Variants in KIAA1671 observed in about 807,000 individuals in gnomAD.
KIAA1671 encodes uncharacterized protein KIAA1671.
KIAA1671 carries 52 observed loss-of-function variants against 131.2 expected under a neutral mutation model. That is an observed-to-expected ratio of 0.40 (90% CI 0.32 to 0.50). The LOEUF (loss-of-function observed/expected upper bound fraction) is 0.50. KIAA1671 is among the 20% of genes least tolerant of loss of function. The probability of loss-of-function intolerance (pLI) is 0.73; values close to 1 mark genes in which losing one functional copy is unlikely to be tolerated. For missense variants in KIAA1671, 2,360 were observed against 2,364.2 expected (o/e 1.00, Z 0.04); for synonymous variants, 1,003 against 961.6 (o/e 1.04, Z -0.80).
intron 6 of KIAA1671, among the ~76,000 whole-genome samples, chr22:25,093,737 A>C (rs6004435): frequency 1.0e-4 from 3 of 30,132 alleles, no homozygotes; most frequent in Admixed American, 3.2e-4. Flanking sequence ...ACACACACAC[A>C]CTCTCTCTCT....
At chr22:25,147,181 T>G (rs1348310388) in intron 6 of KIAA1671, among the ~76,000 whole-genome samples, 1 of 104,606 alleles carries the variant, frequency 9.6e-6, no homozygotes, top group African/African-American at 5.6e-5. Flanking sequence ...TATTTTATTT[T>G]ATTTTATTTT....
At chr22:25,104,303 T>G (rs1158222147) in intron 6 of KIAA1671, among the ~76,000 whole-genome samples, 1 of 152,172 alleles carries the variant, frequency 6.6e-6, no homozygotes, top group Non-Finnish European at 1.5e-5. Flanking sequence ...AACATAATAT[T>G]AGTGTACCTC....
chr22:25,023,399 A>G (rs1281526253), intron 1 of KIAA1671: 4 of 152,164 alleles, frequency 2.6e-5, no homozygotes, highest in Non-Finnish European at 4.4e-5. Flanking sequence ...TAAATAAAAA[A>G]TAGTGGACAT....
chr22:25,018,234 G>T (rs1488098082), intron 1 of KIAA1671, among the ~76,000 whole-genome samples: 2 of 151,930 alleles, frequency 1.3e-5, no homozygotes, highest in African/African-American at 2.4e-5. Flanking sequence ...CGTTCCCACC[G>T]CATTCCCTGT....
intron 6 of KIAA1671, among the ~76,000 whole-genome samples, chr22:25,079,921 T>G (rs1163396978): frequency 6.6e-6 from 1 of 151,792 alleles, no homozygotes; most frequent in Non-Finnish European, 1.5e-5. Flanking sequence ...ACTGCAGTGG[T>G]CCAGGTGGGA....
intron 6 of KIAA1671, among the ~76,000 whole-genome samples, chr22:25,148,640 A>C (rs1932939052): frequency 6.6e-6 from 1 of 152,114 alleles, no homozygotes; most frequent in Non-Finnish European, 1.5e-5. Context: ...AACTTTATCC[A>C]ACTGGCACCA....
rs1934730531 is a variant in KIAA1671 at position 25,193,431 on chromosome 22, T to C, written c.*1030T>C. 6.6e-6 allele frequency: 1 copy of C among 152,380 alleles called. No individual in the cohort carries two copies. The highest frequency in any genetic ancestry group is 6.5e-5 in the Admixed American group (1 of 15,300). 9.4% of individuals were successfully genotyped at this position (152,380 alleles called of 1,614,324 possible). On this transcript the variant is annotated 3_prime_UTR_variant, in exon 13 of 13. Transcript: ENST00000358431. Reference sequence around the variant, plus strand: ...TTGAACATGACGTGGGCTGCTGGCATGGAGGAGTTGTTCCAAACTGGCCTC... The same window carrying C: ...TTGAACATGACGTGGGCTGCTGGCACGGAGGAGTTGTTCCAAACTGGCCTC...
intron 6 of KIAA1671, among the ~76,000 whole-genome samples, chr22:25,150,344 C>A (rs1036024735): frequency 6.6e-5 from 10 of 152,174 alleles, no homozygotes; most frequent in African/African-American, 2.2e-4. Context: ...TAGGGATGGA[C>A]CCCCATTTTA....
intron 5 of KIAA1671, among the ~76,000 whole-genome samples, chr22:25,045,787 C>T (rs1158700568): frequency 1.3e-5 from 2 of 151,990 alleles, no homozygotes; most frequent in Non-Finnish European, 2.9e-5. Context: ...GATGGGGTTT[C>T]ACCATGTTAA....
rs1387503902 is a variant in KIAA1671, at chr22:25,019,504, T to A, written c.-207-6129T>A. On this transcript the variant is annotated intron_variant, in intron 1 of 12. Transcript: ENST00000358431. The stretch of plus-strand genomic sequence containing the variant: ...AGACAGCTCAGAGGAAAACCTCTGG[T>A]ATTGAGATGTAAAAAAAAAATTGCA... Among the ~76,000 whole-genome samples the A allele has an allele frequency of 5.9e-4, 89 of 151,992 alleles. 1 individual carries two copies. Among genetic ancestry groups the A allele is most frequent in the Admixed American group, 5.6e-3 (86 of 15,260 alleles).
chr22:24,975,669 G>A (rs906815169), intron 1 of KIAA1671, among the ~76,000 whole-genome samples: 2 of 152,102 alleles, frequency 1.3e-5, no homozygotes, highest in African/African-American at 2.4e-5. Context: ...GTCAAGAATG[G>A]CAGATACCAG....
intron 1 of KIAA1671, among the ~76,000 whole-genome samples, chr22:24,972,183 T>C (rs1036362209): frequency 6.6e-6 from 1 of 152,194 alleles, no homozygotes; most frequent in African/African-American, 2.4e-5. Context: ...GACAGATATA[T>C]TACAGTGGTT....
intron 6 of KIAA1671, among the ~76,000 whole-genome samples, chr22:25,105,828 G>T (rs1015221563): frequency 1.1e-4 from 16 of 151,452 alleles, no homozygotes; most frequent in African/African-American, 3.6e-4. Context: ...TTGGGGGGGG[G>T]GGGTGCCAAA....
intron 6 of KIAA1671, among the ~76,000 whole-genome samples, chr22:25,065,775 G>A (rs1204939497): frequency 6.6e-6 from 1 of 151,876 alleles, no homozygotes; most frequent in Non-Finnish European, 1.5e-5. Context: ...GAGTAGGTGG[G>A]ATTATAGGTG....
At chr22:25,135,552 G>A (rs1049397901) in intron 6 of KIAA1671, among the ~76,000 whole-genome samples, 3 of 152,196 alleles carry the variant, frequency 2.0e-5, no homozygotes, top group Non-Finnish European at 4.4e-5. Flanking sequence ...TGTGTTCACA[G>A]TTTTGAAATT....
intron 6 of KIAA1671, among the ~76,000 whole-genome samples, chr22:25,106,067 GGTT>G (rs1260192599): frequency 3.9e-5 from 6 of 152,200 alleles, no homozygotes; most frequent in Non-Finnish European, 8.8e-5. Flanking sequence ...TCTTTGGTCA[GGTT>G]CCCTAGAAGC....
At chr22:25,066,377 C>T (rs1261623842) in intron 6 of KIAA1671, among the ~76,000 whole-genome samples, 1 of 152,106 alleles carries the variant, frequency 6.6e-6, no homozygotes, top group Non-Finnish European at 1.5e-5. Flanking sequence ...TTGAACTTCT[C>T]ACCTCAAACG....
intron 6 of KIAA1671, among the ~76,000 whole-genome samples, chr22:25,102,166 C>T (rs985596065): frequency 5.9e-5 from 9 of 152,190 alleles, no homozygotes; most frequent in Non-Finnish European, 1.0e-4. Context: ...AGCTGGGAAA[C>T]AGGTAATATG....
intron 4 of KIAA1671, among the ~76,000 whole-genome samples, chr22:25,038,135 C>A (rs1303240831): frequency 2.0e-5 from 3 of 152,138 alleles, no homozygotes; most frequent in Non-Finnish European, 4.4e-5. Flanking sequence ...CCGCACCTGG[C>A]CTTTAATTCC....
Sources: gnomAD v4.1 joint callset for allele counts (sites outside exome capture counted in the v4.1 genomes callset) on GRCh38, gnomAD v4.1.1 for gene constraint, MANE v1.5 for transcripts, NCBI Gene and HGNC (gene_info 2026-07-23, HGNC 2026-07-21) for gene names.